Variants in CADPS2 observed in about 807,000 individuals in gnomAD.
CADPS2 encodes calcium dependent secretion activator 2.
In CADPS2, 93 loss-of-function variants were observed where a neutral mutation model predicts 172.5. The ratio of observed to expected loss-of-function variants is 0.54; its 90% CI spans 0.46 to 0.64. The LOEUF (loss-of-function observed/expected upper bound fraction) is 0.64, where lower values mean the gene tolerates loss of function less well. CADPS2 is among the 30% of genes least tolerant of loss of function. The pLI is 0.00. For synonymous variants in CADPS2, 546 were observed against 555.2 expected, an observed-to-expected ratio of 0.98 and a Z score of 0.23; for missense variants, 1,420 against 1,565.9, an observed-to-expected ratio of 0.91 and a Z score of 1.57.
At chr7:122,829,393 G>A (rs937889066) in intron 1 of CADPS2, among the ~76,000 whole-genome samples, 1 of 152,098 alleles carries the variant, frequency 6.6e-6, no homozygotes, top group African/African-American at 2.4e-5. Flanking sequence ...AGGAAACATC[G>A]CTGGATCAAT....
intron 6 of CADPS2, among the ~76,000 whole-genome samples, chr7:122,600,654 T>G (rs1162976404): frequency 6.6e-6 from 1 of 152,084 alleles, no homozygotes; most frequent in African/African-American, 2.4e-5. Context: ...AACAAAAAGC[T>G]CAAATAAACA....
Position 122,451,469 on chromosome 7 carries a change from A to G in CADPS2, c.2193T>C (p.Asp731=), listed in dbSNP as rs779572537. The G allele has an allele frequency of 2.6e-6, 4 of 1,556,202 alleles. No homozygotes were observed. The Admixed American group carries it at 7.6e-5, about 30-fold the overall frequency. The change falls in exon 15 of 30, where the codon GAT becomes GAC. Residue 731 remains aspartate, a synonymous_variant. Transcript: ENST00000449022. ...CASHVHGNRP[D]GIGTVSVEEK... ...CTTCCACTGAAACAGTCCCAATTCC[A>G]TCAGGCCTGAAAAAAAAATCAGAAT...
chr7:122,572,517 GAA>G (rs2067406729), intron 7 of CADPS2, among the ~76,000 whole-genome samples: 1 of 152,094 alleles, frequency 6.6e-6, no homozygotes, highest in Non-Finnish European at 1.5e-5. Context: ...TAAAATGAAA[GAA>G]AAGTTATTTT....
At chr7:122,382,617 C>T (rs989495071) in intron 24 of CADPS2, among the ~76,000 whole-genome samples, 1 of 151,842 alleles carries the variant, frequency 6.6e-6, no homozygotes, top group African/African-American at 2.4e-5. Flanking sequence ...TAACAGACAA[C>T]ATTTTTGGTA....
intron 1 of CADPS2, among the ~76,000 whole-genome samples, chr7:122,752,139 CTT>C (rs899865375): frequency 4.6e-5 from 7 of 152,060 alleles, no homozygotes; most frequent in African/African-American, 1.7e-4. Flanking sequence ...AATAGAAAAA[CTT>C]AAATATTTTT....
At chr7:122,554,807 C>A in intron 7 of CADPS2, 118 bp from the exon 8 acceptor site, 1 of 812,240 alleles carries the variant, frequency 1.2e-6, no homozygotes, top group Non-Finnish European at 1.8e-6. Context: ...CAAATGTATC[C>A]AATAAACAAT....
At chr7:122,536,044 T>G (rs535436862) in intron 8 of CADPS2, among the ~76,000 whole-genome samples, 10 of 152,100 alleles carry the variant, frequency 6.6e-5, no homozygotes, top group Non-Finnish European at 1.5e-4. Context: ...AAGGCATCCT[T>G]ATACAAATTG....
rs2150645857 is a variant in CADPS2 at position 122,319,647 on chromosome 7, T to C, written c.*518A>G. On this transcript the variant is annotated 3_prime_UTR_variant, in exon 30 of 30. Coordinates refer to ENST00000449022, the MANE Select transcript of CADPS2 (RefSeq NM_017954.11). The stretch of plus-strand genomic sequence containing the variant: ...TACTAAGAACCAAGATTAAAGATTT[T>C]ATACACATCACAATAATAGCAAATT... 1.3e-5 allele frequency: 2 copies of C among 152,444 alleles called. No individual in the cohort carries two copies. The highest frequency in any genetic ancestry group is 1.3e-4 in the Admixed American group (2 of 15,302). 9.4% of individuals were successfully genotyped at this position (152,444 alleles called of 1,614,324 possible).
At chr7:122,560,637 A>G (rs2065635218) in intron 7 of CADPS2, among the ~76,000 whole-genome samples, 1 of 152,222 alleles carries the variant, frequency 6.6e-6, no homozygotes, top group Admixed American at 6.5e-5. Flanking sequence ...CCTTGAGACA[A>G]AGGATATTTT....
At chr7:122,696,773 G>A (rs1053830984) in intron 2 of CADPS2, among the ~76,000 whole-genome samples, 5 of 152,092 alleles carry the variant, frequency 3.3e-5, no homozygotes, top group African/African-American at 1.2e-4. Flanking sequence ...AAAATTTTCT[G>A]TTATTTTGTA....
intron 2 of CADPS2, chr7:122,699,073 T>C: frequency 1.7e-6 from 1 of 603,318 alleles, no homozygotes; most frequent in East Asian, 2.9e-5. Flanking sequence ...AGATGGCTTA[T>C]GAGTTTCAGA....
intron 3 of CADPS2, among the ~76,000 whole-genome samples, chr7:122,660,287 TTATAG>T (rs1163128014): frequency 1.3e-5 from 2 of 152,152 alleles, no homozygotes; most frequent in Admixed American, 1.3e-4. Flanking sequence ...ACATGAAGCC[TTATAG>T]TATAGTGTTA....
At chr7:122,732,131 A>G (rs1167228784) in intron 2 of CADPS2, among the ~76,000 whole-genome samples, 1 of 151,782 alleles carries the variant, frequency 6.6e-6, no homozygotes, top group African/African-American at 2.4e-5. Context: ...AGAAAACACC[A>G]CATAGAAATA....
intron 1 of CADPS2, among the ~76,000 whole-genome samples, chr7:122,854,226 G>A (rs1216598704): frequency 6.6e-6 from 1 of 152,020 alleles, no homozygotes; most frequent in East Asian, 1.9e-4. Context: ...CAAGAGTGGT[G>A]GGTGACTCGT....
rs1378754442 is a variant in CADPS2 at position 122,541,763 on chromosome 7, TTA to T, written c.1475+12785_1475+12786del. Among the ~76,000 whole-genome samples the T allele has an allele frequency of 6.9e-5, 10 of 145,444 alleles. No homozygotes were observed. In the South Asian group the frequency reaches 1.5e-3, roughly 21 times the overall value. ...CATATATTTACATATATTCATATAT[TTA>T]TATATTCACATATATTCATATATTT... On this transcript the variant is annotated intron_variant, in intron 8 of 29. Transcript: ENST00000449022.
chr7:122,820,401 C>T lies in CADPS2; in HGVS notation c.339+65598G>A, dbSNP rs543081121. On this transcript the variant is annotated intron_variant, in intron 1 of 29. Transcript: ENST00000449022. The stretch of plus-strand genomic sequence containing the variant: ...ACGTGCTCTCCCTGCCAATTGCATC[C>T]GACTGATCTCTCAAACCCCAGCACC... 1.7e-4 allele frequency among the ~76,000 whole-genome samples: 26 copies of T among 152,088 alleles called. 1 individual carries two copies. In the South Asian group the frequency reaches 3.5e-3, roughly 21 times the overall value.
At position 122,779,158 on chromosome 7, in the gene CADPS2, A is replaced by AT. The variant is rs542619355; in HGVS notation, c.340-42091dup. ...GTGGAACTGTGAGTCCATTAAACCTATTTTTTTTTATAAATTATCCAGTCT... is the reference window on the plus strand; with the variant it reads ...GTGGAACTGTGAGTCCATTAAACCTATTTTTTTTTTATAAATTATCCAGTCT... On this transcript the variant is annotated intron_variant, in intron 1 of 29. Transcript: ENST00000449022. Among the ~76,000 whole-genome samples, 1,120 of 151,312 alleles carry AT rather than the reference A, an allele frequency of 7.4e-3. 11 individuals carry two copies. Among genetic ancestry groups the AT allele is most frequent in the African/African-American group, 0.023 (942 of 41,212 alleles).
chr7:122,676,480 A>G (rs1448558866), intron 2 of CADPS2: 2 of 394,480 alleles, frequency 5.1e-6, no homozygotes, highest in Non-Finnish European at 8.9e-6. Context: ...GACATTTTAT[A>G]TACCAGGCTG....
At position 122,866,772 on chromosome 7, in the gene CADPS2, A is replaced by G. The variant is rs1171876118; in HGVS notation, c.339+19227T>C. On this transcript the variant is annotated intron_variant, in intron 1 of 29. Transcript: ENST00000449022. Reference sequence around the variant, plus strand: ...CTGTCTATTCTCAGATCAGACAAAGAGATGTTTTTAGAATCTTAATCAGAT... The same window carrying G: ...CTGTCTATTCTCAGATCAGACAAAGGGATGTTTTTAGAATCTTAATCAGAT... 2.0e-5 allele frequency among the ~76,000 whole-genome samples: 3 copies of G among 152,328 alleles called. No individual in the cohort carries two copies. The East Asian group carries it at 5.8e-4, about 29-fold the overall frequency.
Sources: gnomAD v4.1 joint callset for allele counts (sites outside exome capture counted in the v4.1 genomes callset) on GRCh38, gnomAD v4.1.1 for gene constraint, MANE v1.5 for transcripts, NCBI Gene and HGNC (gene_info 2026-07-23, HGNC 2026-07-21) for gene names.